TSPEAR: variants seen among roughly 807,000 people sequenced by gnomAD.
TSPEAR encodes the protein thrombospondin-type laminin G domain and EAR repeat-containing protein.
In TSPEAR, 69 loss-of-function variants were observed where a neutral mutation model predicts 71.6. That is an observed-to-expected ratio of 0.96 (90% CI 0.79 to 1.18). The LOEUF (loss-of-function observed/expected upper bound fraction) is 1.18. Among genes scored for constraint, TSPEAR ranks in the 50% most tolerant of loss-of-function variants. The pLI is 0.00. For synonymous variants in TSPEAR, 402 were observed against 387.2 expected, an observed-to-expected ratio of 1.04 and a Z score of -0.45; for missense variants, 971 against 894.9, an observed-to-expected ratio of 1.09 and a Z score of -1.09.
At chr21:44,539,244 C>T (rs2146000408) in intron 2 of TSPEAR, 1 of 1,577,236 alleles carries the variant, frequency 6.3e-7, no homozygotes, top group East Asian at 2.2e-5. Context: ...GGAACTGAGC[C>T]CAGCTGGCCC....
chr21:44,551,184 G>A lies in TSPEAR; in HGVS notation c.303+16601C>T, dbSNP rs1180239713. 2.5e-6 allele frequency: 4 copies of A among 1,596,358 alleles called. No individual in the cohort carries two copies. The African/African-American group carries it at 5.4e-5, about 21-fold the overall frequency. ...GCAGCAGGCCTGCTGGCAGGGGGAG[G>A]AGGTGCAGCAAGCCGGCTGGCAGCT... On this transcript the variant is annotated intron_variant, in intron 2 of 11. Transcript: ENST00000323084.
In TSPEAR at chr21:44,623,815, C is replaced by CT. The variant is rs202168650; in HGVS notation, c.83-55811dup. ...TGTTGCTTCTTTAAAGGTAATATTT[C>CT]TTTTTTTTTCCCTTGGCTGTTTTTA... On this transcript the variant is annotated intron_variant, in intron 1 of 11. Coordinates refer to ENST00000323084, the MANE Select transcript of TSPEAR (RefSeq NM_144991.3). This position sits in a 1 kb window ranked among gnomAD's most constrained non-coding sequence, Gnocchi z 4.5. Among the ~76,000 whole-genome samples the CT allele has an allele frequency of 1.5e-4, 23 of 151,670 alleles. 1 individual carries two copies. Among genetic ancestry groups the CT allele is most frequent in the South Asian group, 6.3e-4 (3 of 4,784 alleles).
At chr21:44,656,992 T>C (rs1985187347) in intron 1 of TSPEAR, among the ~76,000 whole-genome samples, 1 of 152,140 alleles carries the variant, frequency 6.6e-6, no homozygotes, top group South Asian at 2.1e-4. Flanking sequence ...TGGGTCCTCA[T>C]GATCTGACCA....
At chr21:44,660,111 T>A (rs1555943370) in intron 1 of TSPEAR, among the ~76,000 whole-genome samples, 1 of 151,824 alleles carries the variant, frequency 6.6e-6, no homozygotes, top group African/African-American at 2.4e-5. Flanking sequence ...AAGAGAAGGG[T>A]GGAGGGAGAC....
Position 44,533,739 on chromosome 21 carries a change from G to A in TSPEAR, c.488C>T (p.Ala163Val). ...VDGRWHTLVL[A>V]VSAGVFSLTT... ...GAGGGAGAAGACGCCTGCGGACACA[G>A]CCAGGACCAGTGTGTGCCAGCGGCC... Residue 163 changes from alanine to valine, a missense_variant, in exon 3 of 12, where the codon GCT becomes GTT. Coordinates refer to ENST00000323084, the MANE Select transcript of TSPEAR (RefSeq NM_144991.3). 2 of 1,612,340 alleles carry A rather than the reference G, an allele frequency of 1.2e-6. No homozygotes were observed. The highest frequency in any genetic ancestry group is 8.5e-7 in the Non-Finnish European group (1 of 1,179,828).
At chr21:44,611,843 G>C (rs2146173684) in intron 1 of TSPEAR, among the ~76,000 whole-genome samples, 1 of 152,286 alleles carries the variant, frequency 6.6e-6, no homozygotes, top group South Asian at 2.1e-4. Context: ...ACTGTGTGTG[G>C]TTGCAGGGCA....
chr21:44,704,926 G>GA (rs1313798759), intron 1 of TSPEAR, among the ~76,000 whole-genome samples: 95 of 152,216 alleles, frequency 6.2e-4, no homozygotes, highest in Middle Eastern at 3.4e-3. Context: ...GCCCCGCCCA[G>GA]ACGCACTGAC....
intron 10 of TSPEAR, chr21:44,508,578 G>A: frequency 8.5e-7 from 1 of 1,173,390 alleles, no homozygotes; most frequent in Non-Finnish European, 1.1e-6. Flanking sequence ...TGGTCAGGAT[G>A]GTTGTGGATT....
intron 9 of TSPEAR, among the ~76,000 whole-genome samples, chr21:44,511,301 GCACA>G (rs372243831): frequency 2.1e-4 from 32 of 152,232 alleles, no homozygotes; most frequent in South Asian, 4.2e-4. Context: ...TGCACTGTGC[GCACA>G]CACACATGCA....
At position 44,525,601 on chromosome 21, in the gene TSPEAR, G is replaced by A. The variant is rs781801815; in HGVS notation, c.1336+52C>T. ...CACATTCGCCCTGCCTGCAAGTCTC[G>A]CTCTGCCCCTGGAATGGTTGCCTCC... On this transcript the variant is annotated intron_variant, in intron 8 of 11. Coordinates refer to ENST00000323084, the MANE Select transcript of TSPEAR (RefSeq NM_144991.3). 8.4e-5 allele frequency: 133 copies of A among 1,573,970 alleles called. 1 individual carries two copies. The highest frequency in any genetic ancestry group is 5.5e-4 in the Middle Eastern group (3 of 5,470).
intron 1 of TSPEAR, chr21:44,654,478 C>T (rs1377187113): frequency 5.0e-6 from 8 of 1,613,818 alleles, no homozygotes; most frequent in Non-Finnish European, 6.8e-6. Flanking sequence ...CAGGGGCCGG[C>T]ACAGCAGAGC....
chr21:44,580,323 G>C (rs1391784701), intron 1 of TSPEAR: 2 of 1,613,992 alleles, frequency 1.2e-6, no homozygotes, highest in Non-Finnish European at 1.7e-6. Flanking sequence ...CAGCAGGCCT[G>C]CTGGCAGGGG....
chr21:44,666,625 C>T (rs782611058), intron 1 of TSPEAR: 39 of 1,613,764 alleles, frequency 2.4e-5, no homozygotes, highest in Non-Finnish European at 3.2e-5. Context: ...CTGCAGCTCA[C>T]AGGCACACAC....
intron 1 of TSPEAR, among the ~76,000 whole-genome samples, chr21:44,576,823 A>G (rs1168200792): frequency 6.6e-6 from 1 of 152,200 alleles, no homozygotes; most frequent in Non-Finnish European, 1.5e-5. Flanking sequence ...ATCCCATCCA[A>G]CAACAATGGG....
chr21:44,538,505 C>T (rs1555916642), intron 2 of TSPEAR, among the ~76,000 whole-genome samples: 1 of 151,380 alleles, frequency 6.6e-6, no homozygotes, highest in African/African-American at 2.4e-5. Flanking sequence ...CCCCATGATG[C>T]TTTTGTTCCC....
At chr21:44,574,282 AGTCTAGCT>A (rs1978309541) in intron 1 of TSPEAR, 1 of 1,597,754 alleles carries the variant, frequency 6.3e-7, no homozygotes, top group African/African-American at 1.4e-5. Flanking sequence ...TGCTGCCAGC[AGTCTAGCT>A]GTGTGAGCTG....
intron 1 of TSPEAR, chr21:44,600,559 GACTC>G (rs1555928310): frequency 2.6e-6 from 4 of 1,546,544 alleles, no homozygotes; most frequent in South Asian, 2.4e-5. Context: ...CTAACACACG[GACTC>G]ACTCACTCAT....
chr21:44,636,224 C>T (rs911979812), intron 1 of TSPEAR, among the ~76,000 whole-genome samples: 6 of 152,182 alleles, frequency 3.9e-5, no homozygotes, highest in African/African-American at 1.2e-4. Flanking sequence ...TCTCCAGCAC[C>T]CAACCCTGCC....
intron 1 of TSPEAR, among the ~76,000 whole-genome samples, chr21:44,635,113 G>A (rs943078885): frequency 2.0e-5 from 3 of 152,232 alleles, no homozygotes; most frequent in East Asian, 3.9e-4. Context: ...GGGAGGCCGA[G>A]GCGGGAGGAT....
Sources: allele counts gnomAD v4.1 joint callset (sites outside exome capture counted in the v4.1 genomes callset), GRCh38; gene constraint gnomAD v4.1.1; non-coding constraint Gnocchi (gnomAD v3.1); transcripts MANE v1.5; gene names NCBI Gene and HGNC (gene_info 2026-07-23, HGNC 2026-07-21).